MAST2: variants seen among roughly 807,000 people sequenced by gnomAD.
The protein encoded by MAST2 is microtubule-associated serine/threonine-protein kinase 2.
In MAST2, 70 loss-of-function variants were observed where a neutral mutation model predicts 147.4. The ratio of observed to expected loss-of-function variants is 0.47; its 90% confidence interval spans 0.39 to 0.58. The LOEUF is 0.58. MAST2 is among the 20% of genes least tolerant of loss of function. The pLI, the probability that MAST2 is intolerant of heterozygous loss-of-function variation, is 0.00. For synonymous variants in MAST2, 869 were observed against 896.8 expected (o/e 0.97, Z 0.55); for missense variants, 2,080 against 2,302.3 (o/e 0.90, Z 1.98).
chr1:45,944,843 G>T (rs940884433), intron 4 of MAST2, among the ~76,000 whole-genome samples: 2 of 152,076 alleles, frequency 1.3e-5, no homozygotes, highest in Admixed American at 1.3e-4. Context: ...TCTGTGCCAC[G>T]ACTGCCTGTG....
chr1:46,027,621 T>C, intron 16 of MAST2, 110 bp from the exon 17 acceptor site: 1 of 1,192,358 alleles, frequency 8.4e-7, no homozygotes, highest in Admixed American at 2.2e-5. Context: ...CCAGCTTGTG[T>C]CTCACAGTAC....
intron 16 of MAST2, 39 bp from the exon 17 acceptor site, chr1:46,027,692 C>G: frequency 1.9e-6 from 3 of 1,594,212 alleles, no homozygotes; most frequent in Non-Finnish European, 2.6e-6. Flanking sequence ...CTCAGAAAAC[C>G]AGGAATAACT....
intron 5 of MAST2, among the ~76,000 whole-genome samples, chr1:45,979,209 A>G (rs982449896): frequency 6.6e-6 from 1 of 152,216 alleles, no homozygotes; most frequent in Non-Finnish European, 1.5e-5. Flanking sequence ...GTGTTTACAC[A>G]GGTGCTTGCT....
intron 4 of MAST2, among the ~76,000 whole-genome samples, chr1:45,949,299 GA>G (rs1557950774): frequency 6.6e-6 from 1 of 152,014 alleles, no homozygotes; most frequent in Non-Finnish European, 1.5e-5. Context: ...TACAGAATAG[GA>G]AAAAATATTT....
intron 4 of MAST2, among the ~76,000 whole-genome samples, chr1:45,947,674 G>T (rs914841817): frequency 6.6e-6 from 1 of 152,206 alleles, no homozygotes; most frequent in South Asian, 2.1e-4. Flanking sequence ...GTTTGCAGAT[G>T]ACATGATTCT....
intron 3 of MAST2, among the ~76,000 whole-genome samples, chr1:45,834,260 G>C (rs1309813136): frequency 6.6e-6 from 1 of 152,102 alleles, no homozygotes; most frequent in South Asian, 2.1e-4. Flanking sequence ...AGTAACAAAA[G>C]GGGGCAAGAA....
intron 4 of MAST2, among the ~76,000 whole-genome samples, chr1:45,899,678 T>C (rs961399645): frequency 1.3e-5 from 2 of 152,172 alleles, no homozygotes; most frequent in African/African-American, 4.8e-5. Context: ...ATGGTATATA[T>C]GTACCACATT....
chr1:45,909,384 G>A (rs371021281), intron 4 of MAST2, among the ~76,000 whole-genome samples: 3 of 151,902 alleles, frequency 2.0e-5, no homozygotes, highest in East Asian at 1.9e-4. Flanking sequence ...TATCATTTAC[G>A]TTAAACCTAT....
At chr1:46,011,324 C>G (rs1413331798) in intron 10 of MAST2, among the ~76,000 whole-genome samples, 3 of 152,206 alleles carry the variant, frequency 2.0e-5, no homozygotes, top group Admixed American at 2.0e-4. Context: ...AGCCTTCAGA[C>G]TATTTATCCT....
intron 3 of MAST2, among the ~76,000 whole-genome samples, chr1:45,878,355 A>C (rs1380727574): frequency 2.6e-5 from 4 of 152,312 alleles, no homozygotes; most frequent in Admixed American, 2.0e-4. Context: ...GACATAATCC[A>C]TGCCCATTTG....
rs529214156 is a variant in MAST2, at chr1:46,035,744, C to T, written c.5075C>T (p.Ala1692Val). The T allele has an allele frequency of 7.1e-5, 115 of 1,614,052 alleles. No individual in the cohort carries two copies. The South Asian group carries it at 1.2e-3, about 17-fold the overall frequency. ...CAGGATTTGGAAAACACAACTCCAG[C>T]CCAGCCTAAGAACCTGTCTCCCAGG... ...NLQDLENTTP[A>V]QPKNLSPREQ... The change falls in exon 29 of 29, where the codon GCC becomes GTC. Residue 1692 changes from alanine to valine, a missense_variant. By Grantham distance (64) the Ala-to-Val change is moderately conservative (BLOSUM62 0). Coordinates refer to ENST00000361297, the MANE Select transcript of MAST2 (RefSeq NM_015112.3). The surrounding 1 kb of genome is among the most constrained non-coding windows in gnomAD (Gnocchi z 5.5).
chr1:46,025,741 C>A lies in MAST2; in HGVS notation c.1845C>A (p.Tyr615Ter). ...GALPVDMVRL[Y>*]FAETVLALEY... ...TGCCTGTGGACATGGTGCGTCTATA[C>A]TTTGCGGAAACTGTGCTGGCCCTGG... Residue 615 changes from tyrosine (Y) to a stop codon, truncating the protein, a stop_gained, in exon 16 of 29, where the codon TAC becomes TAA. Coordinates refer to ENST00000361297, the MANE Select transcript of MAST2 (RefSeq NM_015112.3). LOFTEE classifies it high-confidence loss of function. 1 of 1,614,226 alleles carries A rather than the reference C, an allele frequency of 6.2e-7. No homozygotes were observed. Among genetic ancestry groups the A allele is most frequent in the Non-Finnish European group, 8.5e-7 (1 of 1,180,042 alleles).
At position 46,023,168 on chromosome 1, in the gene MAST2, A is replaced by G. The variant is rs1488182908; in HGVS notation, c.1486-65A>G. The G allele has an allele frequency of 4.8e-6, 7 of 1,444,480 alleles. No individual in the cohort carries two copies. The highest frequency in any genetic ancestry group is 1.7e-5 in the Admixed American group (1 of 59,704). The allele number at this position is 1,444,480 out of a possible 1,614,324, so 89.5% of individuals were successfully genotyped here. A position where few individuals can be genotyped will look rare whatever the true frequency, so the allele number is the denominator to read the frequency against. On this transcript the variant is annotated intron_variant, in intron 13 of 28. Coordinates refer to ENST00000361297, the MANE Select transcript of MAST2 (RefSeq NM_015112.3). This position sits in a 1 kb window ranked among gnomAD's most constrained non-coding sequence, Gnocchi z 4.9. The stretch of plus-strand genomic sequence containing the variant: ...ACAGCTGAGAAGATGCTAGAGCCAC[A>G]GCTTCTGCAAGGATATGGGCTCTGA...
chr1:45,990,945 C>T (rs952530906), intron 5 of MAST2, among the ~76,000 whole-genome samples: 3 of 152,012 alleles, frequency 2.0e-5, no homozygotes, highest in Non-Finnish European at 4.4e-5. Flanking sequence ...AAAAATTCAT[C>T]GCCAAACCCA....
At chr1:45,859,327 T>C (rs1281069268) in intron 3 of MAST2, among the ~76,000 whole-genome samples, 1 of 152,188 alleles carries the variant, frequency 6.6e-6, no homozygotes, top group Non-Finnish European at 1.5e-5. Flanking sequence ...CTCAAACTCC[T>C]GGCCTCAAGT....
intron 5 of MAST2, among the ~76,000 whole-genome samples, chr1:45,974,996 C>A (rs561838600): frequency 1.3e-5 from 2 of 152,290 alleles, no homozygotes; most frequent in African/African-American, 4.8e-5. Context: ...GACATCATTT[C>A]AAACCTGGGT....
chr1:45,907,522 A>C (rs1156708080), intron 4 of MAST2, among the ~76,000 whole-genome samples: 7 of 144,682 alleles, frequency 4.8e-5, no homozygotes, highest in African/African-American at 1.8e-4. Context: ...CAGTGGCGTG[A>C]TCTCAGCTCA....
intron 6 of MAST2, among the ~76,000 whole-genome samples, chr1:46,001,410 C>T (rs1645268264): frequency 6.6e-6 from 1 of 152,206 alleles, no homozygotes; most frequent in South Asian, 2.1e-4. Flanking sequence ...GAGGAAAACT[C>T]ACATGTACAA....
chr1:45,939,829 C>A (rs559683835), intron 4 of MAST2, among the ~76,000 whole-genome samples: 2 of 151,972 alleles, frequency 1.3e-5, no homozygotes, highest in Non-Finnish European at 2.9e-5. Context: ...TGTGAGCCAC[C>A]GTGCCTGGCC....
Sources: gnomAD v4.1 joint callset for allele counts (sites outside exome capture counted in the v4.1 genomes callset) on GRCh38, gnomAD v4.1.1 for gene constraint, Gnocchi (gnomAD v3.1) non-coding constraint, MANE v1.5 for transcripts, NCBI Gene and HGNC (gene_info 2026-07-23, HGNC 2026-07-21) for gene names.